CACNG4: variants seen among roughly 807,000 people sequenced by gnomAD.
CACNG4 encodes the protein voltage-dependent calcium channel gamma-4 subunit.
CACNG4 carries 8 observed loss-of-function variants against 22.9 expected under a neutral mutation model. The ratio of observed to expected loss-of-function variants is 0.35; its 90% CI spans 0.21 to 0.63. The LOEUF (loss-of-function observed/expected upper bound fraction) is 0.63. CACNG4 is among the 30% of genes least tolerant of loss of function. CACNG4 has a pLI of 0.72. For missense variants in CACNG4, 357 were observed against 455.4 expected (o/e 0.78, Z 1.97); for synonymous variants, 188 against 191.9 (o/e 0.98, Z 0.17).
chr17:66,992,158 C>T (rs1027462429), intron 1 of CACNG4, among the ~76,000 whole-genome samples: 2 of 90,024 alleles, frequency 2.2e-5, no homozygotes, highest in African/African-American at 1.3e-4. Context: ...CCGCCAAGCT[C>T]CTGGGGGGGG....
chr17:67,001,548 G>A (rs147103562), intron 1 of CACNG4, among the ~76,000 whole-genome samples: 42 of 152,230 alleles, frequency 2.8e-4, no homozygotes, highest in East Asian at 9.7e-4. Context: ...TCCCTGACCC[G>A]CTTACAGGCT....
At chr17:66,993,339 C>T (rs1189320879) in intron 1 of CACNG4, among the ~76,000 whole-genome samples, 1 of 152,252 alleles carries the variant, frequency 6.6e-6, no homozygotes. Context: ...GCTCGCAGGG[C>T]TGTGTCATCA....
Position 67,030,995 on chromosome 17 carries a change from C to A in CACNG4, c.975C>A (p.Thr325=), listed in dbSNP as rs778977111. 6.2e-7 allele frequency: 1 copy of A among 1,609,510 alleles called. No individual in the cohort carries two copies. Among genetic ancestry groups the A allele is most frequent in the Admixed American group, 1.7e-5 (1 of 59,894 alleles). Residue 325 remains threonine, a synonymous_variant, in exon 4 of 4, where the codon ACC becomes ACA. Transcript: ENST00000262138. The surrounding 1 kb of genome is among the most constrained non-coding windows in gnomAD (Gnocchi z 6.4). The part of the protein sequence containing the change: ...FHVSMLNRRT[T]PV ...TCAGCATGCTGAACCGACGGACGAC[C>A]CCTGTGTGAGCCGCCTGCCCTTTCT...
At chr17:67,019,214 A>G (rs888054028) in intron 2 of CACNG4, among the ~76,000 whole-genome samples, 1 of 152,044 alleles carries the variant, frequency 6.6e-6, no homozygotes, top group Non-Finnish European at 1.5e-5. Flanking sequence ...TTCTAAGAGA[A>G]AGGATTTTGA....
chr17:66,995,850 GA>G (rs11393480), intron 1 of CACNG4, among the ~76,000 whole-genome samples: 198 of 150,070 alleles, frequency 1.3e-3, no homozygotes, highest in African/African-American at 4.7e-3. Flanking sequence ...ACTCCATCTT[GA>G]AAAAAAAATG....
intron 1 of CACNG4, among the ~76,000 whole-genome samples, chr17:66,980,169 G>A (rs998894454): frequency 6.6e-6 from 1 of 152,114 alleles, no homozygotes; most frequent in Admixed American, 6.6e-5. Flanking sequence ...TTGATTCCTG[G>A]ATCAAAGCCT....
At chr17:66,970,504 G>C (rs895226953) in intron 1 of CACNG4, among the ~76,000 whole-genome samples, 1 of 152,188 alleles carries the variant, frequency 6.6e-6, no homozygotes, top group African/African-American at 2.4e-5. Context: ...TAACTCAGGA[G>C]CACCAAGGGT....
At chr17:66,994,972 T>C (rs1266834807) in intron 1 of CACNG4, among the ~76,000 whole-genome samples, 1 of 152,118 alleles carries the variant, frequency 6.6e-6, no homozygotes, top group Non-Finnish European at 1.5e-5. Context: ...GAGAACTGCT[T>C]TGCAAATTAC....
rs567892794 is a variant in CACNG4, at chr17:67,029,203, G to A, written c.446-1263G>A. The stretch of plus-strand genomic sequence containing the variant: ...AAAAATTACCCAGGCATGGTGGTGC[G>A]TGCCTGTAATCTCAGCTACTCAAGA... On this transcript the variant is annotated intron_variant, in intron 3 of 3. Transcript: ENST00000262138. Among the ~76,000 whole-genome samples the A allele has an allele frequency of 1.1e-4, 16 of 152,272 alleles. No individual in the cohort carries two copies. In the South Asian group the frequency reaches 1.7e-3, roughly 16 times the overall value.
intron 1 of CACNG4, among the ~76,000 whole-genome samples, chr17:66,993,499 C>T (rs2035354549): frequency 6.6e-6 from 1 of 152,228 alleles, no homozygotes; most frequent in Admixed American, 6.5e-5. Flanking sequence ...TTGGACAACT[C>T]ACAATCTCCT....
Position 66,980,416 on chromosome 17 carries a change from G to C in CACNG4, c.220+15285G>C, listed in dbSNP as rs114144879. Among the ~76,000 whole-genome samples the C allele has an allele frequency of 6.9e-3, 1,056 of 152,228 alleles. 15 individuals are homozygous for C. The highest frequency in any genetic ancestry group is 0.024 in the African/African-American group (1,010 of 41,516). The stretch of plus-strand genomic sequence containing the variant: ...CCCCTCAGGGAGAATTTTTCTGCCT[G>C]AGTCAGATGGCTCAAGATTTCTTAA... On this transcript the variant is annotated intron_variant, in intron 1 of 3. Coordinates refer to ENST00000262138, the MANE Select transcript of CACNG4 (RefSeq NM_014405.4).
intron 1 of CACNG4, among the ~76,000 whole-genome samples, chr17:66,996,938 G>C (rs1018708405): frequency 1.3e-5 from 2 of 152,112 alleles, no homozygotes; most frequent in African/African-American, 4.8e-5. Context: ...GGGGACGAGG[G>C]CAGGACAAAG....
At chr17:66,997,121 G>A (rs1392556607) in intron 1 of CACNG4, among the ~76,000 whole-genome samples, 2 of 152,314 alleles carry the variant, frequency 1.3e-5, no homozygotes, top group African/African-American at 4.8e-5. Flanking sequence ...TGGTGCTGTG[G>A]TCAAAGTCCT....
chr17:66,997,310 G>A (rs748833419), intron 1 of CACNG4, among the ~76,000 whole-genome samples: 5 of 152,174 alleles, frequency 3.3e-5, no homozygotes, highest in African/African-American at 9.7e-5. Context: ...AATACAGGCC[G>A]GATGAGGAAG....
intron 1 of CACNG4, among the ~76,000 whole-genome samples, chr17:67,016,345 A>G (rs1187713199): frequency 6.6e-6 from 1 of 151,778 alleles, no homozygotes; most frequent in African/African-American, 2.4e-5. Context: ...CCTGCCCCCC[A>G]CCGCTGGCCC....
chr17:67,006,843 G>T (rs114107932), intron 1 of CACNG4, among the ~76,000 whole-genome samples: 3,881 of 152,242 alleles, frequency 0.025, 163 homozygotes, highest in African/African-American at 0.09. Flanking sequence ...ACAGATTCTA[G>T]CGTGACCACA....
chr17:66,982,525 A>G (rs746943437), intron 1 of CACNG4, among the ~76,000 whole-genome samples: 1 of 152,178 alleles, frequency 6.6e-6, no homozygotes, highest in Non-Finnish European at 1.5e-5. Context: ...AATCGTAGCT[A>G]CAGAGTGCTG....
At chr17:66,998,834 A>G (rs1598113011) in intron 1 of CACNG4, among the ~76,000 whole-genome samples, 2 of 152,108 alleles carry the variant, frequency 1.3e-5, no homozygotes, top group Admixed American at 6.5e-5. Context: ...AAACAGACAC[A>G]CCAGTTAACT....
At chr17:67,024,435 A>G (rs2035550813) in intron 2 of CACNG4, among the ~76,000 whole-genome samples, 3 of 152,204 alleles carry the variant, frequency 2.0e-5, no homozygotes, top group African/African-American at 7.2e-5. Flanking sequence ...GTGTGCTCTC[A>G]ACCACTGACC....
Sources: allele counts gnomAD v4.1 joint callset (sites outside exome capture counted in the v4.1 genomes callset), GRCh38; gene constraint gnomAD v4.1.1; non-coding constraint Gnocchi (gnomAD v3.1); transcripts MANE v1.5; gene names NCBI Gene and HGNC (gene_info 2026-07-23, HGNC 2026-07-21).